Variants in FOXK2 observed in about 807,000 individuals in gnomAD.
FOXK2 encodes the protein forkhead box protein K2.
FOXK2 carries 24 observed loss-of-function variants against 53.3 expected under a neutral mutation model. The observed-to-expected ratio is 0.45, with a 90% CI of 0.33 to 0.63. FOXK2 has a LOEUF of 0.63. Ranked by LOEUF, FOXK2 falls within the 30% of genes least tolerant of loss-of-function variation. The probability of loss-of-function intolerance (pLI) is 0.03; values close to 1 mark genes in which losing one functional copy is unlikely to be tolerated. For synonymous variants in FOXK2, 505 were observed against 407.1 expected, an observed-to-expected ratio of 1.24 and a Z score of -2.89; for missense variants, 952 against 910.5, an observed-to-expected ratio of 1.05 and a Z score of -0.59.
At chr17:82,595,110 G>A (rs1269920529) in intron 8 of FOXK2, among the ~76,000 whole-genome samples, 3 of 152,240 alleles carry the variant, frequency 2.0e-5, no homozygotes, top group Non-Finnish European at 4.4e-5. Context: ...TTGTGGATAG[G>A]CAAGTTCTAA....
chr17:82,581,238 C>T (rs9905533), intron 4 of FOXK2, among the ~76,000 whole-genome samples: 15,462 of 152,250 alleles, frequency 0.1, 845 homozygotes, highest in South Asian at 0.12. Flanking sequence ...CCATGACGTT[C>T]GTCCGGCTTT....
chr17:82,569,476 G>GT (rs2143028919), intron 3 of FOXK2, among the ~76,000 whole-genome samples: 1 of 152,304 alleles, frequency 6.6e-6, no homozygotes, highest in Non-Finnish European at 1.5e-5. Flanking sequence ...AGAAGTAGAG[G>GT]TAGTGGGCTG....
chr17:82,571,636 A>G lies in FOXK2; in HGVS notation c.763-88A>G, dbSNP rs113209126. On this transcript the variant is annotated intron_variant, in intron 3 of 8. Transcript: ENST00000335255. ...CAAATGAGGTATCAGAGGAACACTT[A>G]AAAGCACTGAGAATCTTTAAATCTA... 4.4e-3 allele frequency: 5,832 copies of G among 1,322,932 alleles called. 25 individuals are homozygous for G. The highest frequency in any genetic ancestry group is 4.8e-3 in the Non-Finnish European group (4,855 of 1,006,036). The allele number at this position is 1,322,932 out of a possible 1,614,324, so 81.9% of individuals were successfully genotyped here.
chr17:82,529,273 A>G (rs1184706094), intron 1 of FOXK2, among the ~76,000 whole-genome samples: 8 of 139,588 alleles, frequency 5.7e-5, no homozygotes, highest in Admixed American at 7.6e-5. Context: ...CCCAGGCTGA[A>G]GTGCAGTGGT....
chr17:82,545,145 A>G (rs2044612739), intron 1 of FOXK2, among the ~76,000 whole-genome samples: 1 of 152,180 alleles, frequency 6.6e-6, no homozygotes, highest in East Asian at 1.9e-4. Flanking sequence ...AGTATCATCT[A>G]GACACAGAAA....
At chr17:82,574,281 T>C (rs1304400176) in intron 4 of FOXK2, among the ~76,000 whole-genome samples, 1 of 152,140 alleles carries the variant, frequency 6.6e-6, no homozygotes, top group East Asian at 1.9e-4. Context: ...AGGGATTAGT[T>C]TCTCCAGATT....
At chr17:82,555,928 T>C (rs1234920170) in intron 1 of FOXK2, among the ~76,000 whole-genome samples, 1 of 129,812 alleles carries the variant, frequency 7.7e-6, no homozygotes. Context: ...AAATAGGTCA[T>C]GGTCAGCACA....
chr17:82,601,695 C>T lies in FOXK2; in HGVS notation c.*196C>T. Reference sequence around the variant, plus strand: ...GAACAAAACCCACACACAACAAAACCTGATTTGGGAGACGGTGTCTCCACT... The same window carrying T: ...GAACAAAACCCACACACAACAAAACTTGATTTGGGAGACGGTGTCTCCACT... On this transcript the variant is annotated 3_prime_UTR_variant, in exon 9 of 9. Coordinates refer to ENST00000335255, the MANE Select transcript of FOXK2 (RefSeq NM_004514.4). 1 of 541,818 alleles carries T rather than the reference C, an allele frequency of 1.8e-6. No homozygotes were observed. The highest frequency in any genetic ancestry group is 2.9e-5 in the East Asian group (1 of 34,416). 33.6% of individuals were successfully genotyped at this position (541,818 alleles called of 1,614,324 possible).
intron 4 of FOXK2, among the ~76,000 whole-genome samples, chr17:82,581,625 G>A (rs530457113): frequency 9.5e-4 from 144 of 152,188 alleles, no homozygotes; most frequent in African/African-American, 3.3e-3. Context: ...ACAGGTGCCC[G>A]CCACTACGCC....
chr17:82,528,193 C>T (rs1260637253), intron 1 of FOXK2, among the ~76,000 whole-genome samples: 1 of 152,098 alleles, frequency 6.6e-6, no homozygotes, highest in Non-Finnish European at 1.5e-5. Context: ...TTTAGACCTG[C>T]GGTTGCAGAA....
intron 1 of FOXK2, among the ~76,000 whole-genome samples, chr17:82,561,150 T>C (rs566376342): frequency 6.6e-6 from 1 of 152,260 alleles, no homozygotes; most frequent in South Asian, 2.1e-4. Flanking sequence ...GTTTTCATGA[T>C]GGGCGCGTTT....
chr17:82,596,043 C>G, intron 8 of FOXK2: 4 of 1,122,532 alleles, frequency 3.6e-6, no homozygotes, highest in Non-Finnish European at 4.4e-6. Context: ...CATCTCTGGC[C>G]TACCGCAGTG....
intron 1 of FOXK2, among the ~76,000 whole-genome samples, chr17:82,556,739 C>G (rs909712349): frequency 6.6e-6 from 1 of 152,030 alleles, no homozygotes; most frequent in Non-Finnish European, 1.5e-5. Flanking sequence ...CTTTGTCACC[C>G]AGGCTAGAGT....
At chr17:82,587,428 A>T in intron 8 of FOXK2, 156 bp downstream of exon 8, 1 of 673,822 alleles carries the variant, frequency 1.5e-6, no homozygotes, top group Non-Finnish European at 2.6e-6. Flanking sequence ...ATGCTGGGGA[A>T]GTGGTCGTGG....
At chr17:82,565,463 T>C (rs1304577219) in intron 2 of FOXK2, among the ~76,000 whole-genome samples, 1 of 151,952 alleles carries the variant, frequency 6.6e-6, no homozygotes, top group Non-Finnish European at 1.5e-5. Context: ...CTCCTAAAAC[T>C]CAACAACAAA....
intron 1 of FOXK2, among the ~76,000 whole-genome samples, chr17:82,530,995 G>A (rs150797922): frequency 6.6e-6 from 1 of 152,282 alleles, no homozygotes; most frequent in African/African-American, 2.4e-5. Context: ...AGAAGATGTG[G>A]TTTAAATATA....
At chr17:82,564,731 A>T (rs1410318940) in intron 2 of FOXK2, among the ~76,000 whole-genome samples, 2 of 144,462 alleles carry the variant, frequency 1.4e-5, no homozygotes, top group African/African-American at 2.7e-5. Context: ...ATGTAGTCAA[A>T]TGGTTTTTTT....
At chr17:82,578,179 G>C (rs1205443407) in intron 4 of FOXK2, 1 of 140,362 alleles carries the variant, frequency 7.1e-6, no homozygotes, top group Non-Finnish European at 1.5e-5. Context: ...CGTCCTTACT[G>C]TGCAGAGTGC....
In FOXK2 at chr17:82,558,418, G is replaced by A. The variant is rs1198450501; in HGVS notation, c.420-4936G>A. Among the ~76,000 whole-genome samples the A allele has an allele frequency of 2.0e-5, 3 of 152,188 alleles. No homozygotes were observed. The South Asian group carries it at 6.2e-4, about 32-fold the overall frequency. ...CCCTGTCCGCGGAGAGCACTCAGCC[G>A]GGTCTGGACGAGGACGTTGTGCGTA... is the stretch of plus-strand genomic sequence containing the variant. On this transcript the variant is annotated intron_variant, in intron 1 of 8. Transcript: ENST00000335255.
Sources: gnomAD v4.1 joint callset for allele counts (sites outside exome capture counted in the v4.1 genomes callset) on GRCh38, gnomAD v4.1.1 for gene constraint, MANE v1.5 for transcripts, NCBI Gene and HGNC (gene_info 2026-07-23, HGNC 2026-07-21) for gene names.